The following CSMD1 variants were observed in gnomAD, a reference collection of about 807,000 sequenced individuals.
CSMD1 encodes CUB and Sushi multiple domains 1, also known as CUB and sushi domain-containing protein 1.
CSMD1 carries 213 observed loss-of-function variants against 417.5 expected under a neutral mutation model. That is an observed-to-expected ratio of 0.51 (90% confidence interval 0.46 to 0.57). The LOEUF (loss-of-function observed/expected upper bound fraction) is 0.57, where lower values mean the gene tolerates loss of function less well. Ranked by LOEUF, CSMD1 falls within the 20% of genes least tolerant of loss-of-function variation. CSMD1 has a pLI of 0.00. For missense variants in CSMD1, 6,923 were observed against 4,529.7 expected (o/e 1.53, Z -15.17); for synonymous variants, 2,862 against 1,736.8 (o/e 1.65, Z -16.11).
intron 1 of CSMD1, among the ~76,000 whole-genome samples, chr8:4,828,963 A>G (rs1799981131): frequency 6.6e-6 from 1 of 152,220 alleles, no homozygotes; most frequent in Admixed American, 6.5e-5. Context: ...TAATTCCTGT[A>G]ATAGTAACCT....
rs1465776615 is a variant in CSMD1 at position 4,990,892 on chromosome 8, G to T, written c.85+3440C>A. On this transcript the variant is annotated intron_variant, in intron 1 of 69. Transcript: ENST00000635120. ...GCACCTCTCTCGCGGTGGAGTTACAGGGTTTCTCTGGAAACTCAGCAGTGC... is the reference window on the plus strand; with the variant it reads ...GCACCTCTCTCGCGGTGGAGTTACATGGTTTCTCTGGAAACTCAGCAGTGC... 2.0e-5 allele frequency among the ~76,000 whole-genome samples: 3 copies of T among 152,250 alleles called. No individual in the cohort carries two copies. In the East Asian group the frequency reaches 5.8e-4, roughly 29 times the overall value.
At chr8:4,050,100 G>A (rs1379798386) in intron 3 of CSMD1, among the ~76,000 whole-genome samples, 2 of 152,164 alleles carry the variant, frequency 1.3e-5, no homozygotes, top group African/African-American at 2.4e-5. Flanking sequence ...CAGGTTGTGG[G>A]TTGTTGGGAA....
intron 62 of CSMD1, among the ~76,000 whole-genome samples, chr8:2,959,129 G>C (rs1335239782): frequency 6.6e-6 from 1 of 152,036 alleles, no homozygotes; most frequent in Admixed American, 6.6e-5. Flanking sequence ...TTAGAGTCAG[G>C]GCCTCTCTCT....
chr8:4,743,940 C>T (rs1240564162), intron 1 of CSMD1, among the ~76,000 whole-genome samples: 1 of 152,212 alleles, frequency 6.6e-6, no homozygotes, highest in African/African-American at 2.4e-5. Context: ...ACAGCACTTT[C>T]TCTCTTCCCA....
chr8:3,614,653 G>A (rs1297561503), intron 8 of CSMD1, among the ~76,000 whole-genome samples: 1 of 152,164 alleles, frequency 6.6e-6, no homozygotes, highest in African/African-American at 2.4e-5. Flanking sequence ...TTAGAATACA[G>A]CTCTGCAAAA....
At chr8:4,024,749 C>T (rs1047568358) in intron 4 of CSMD1, among the ~76,000 whole-genome samples, 1 of 152,158 alleles carries the variant, frequency 6.6e-6, no homozygotes, top group Admixed American at 6.5e-5. Context: ...GCAGGCCGCT[C>T]TGTGAAGTAC....
intron 3 of CSMD1, among the ~76,000 whole-genome samples, chr8:4,038,729 G>A (rs1435608900): frequency 6.6e-6 from 1 of 152,172 alleles, no homozygotes; most frequent in Non-Finnish European, 1.5e-5. Context: ...TAGGTGATGG[G>A]AATTCTGCGC....
intron 2 of CSMD1, among the ~76,000 whole-genome samples, chr8:4,595,223 A>T (rs6990157): frequency 7.1e-4 from 108 of 151,724 alleles, no homozygotes; most frequent in African/African-American, 2.5e-3. Context: ...ACAGAACTCA[A>T]ATTGGCTTGA....
chr8:4,785,839 G>A (rs1232882749), intron 1 of CSMD1, among the ~76,000 whole-genome samples: 1 of 152,150 alleles, frequency 6.6e-6, no homozygotes, highest in Admixed American at 6.5e-5. Flanking sequence ...ACTTGGAAAT[G>A]ATTAAAGATG....
chr8:3,141,442 AC>A (rs1818471423), intron 41 of CSMD1, among the ~76,000 whole-genome samples: 2 of 152,118 alleles, frequency 1.3e-5, no homozygotes, highest in Admixed American at 6.5e-5. Context: ...TCCCGAAAAG[AC>A]CCCCTTCTTG....
intron 3 of CSMD1, among the ~76,000 whole-genome samples, chr8:4,383,264 G>C (rs888475483): frequency 3.6e-4 from 55 of 152,154 alleles, no homozygotes; most frequent in African/African-American, 1.3e-3. Context: ...GTCTAGTACA[G>C]TTTGTATTCC....
At chr8:4,103,378 C>T (rs929000616) in intron 3 of CSMD1, among the ~76,000 whole-genome samples, 8 of 151,372 alleles carry the variant, frequency 5.3e-5, no homozygotes, top group Non-Finnish European at 1.0e-4. Flanking sequence ...CAATGATTTT[C>T]AGGGAACCAT....
chr8:3,827,984 A>C (rs1251933407), intron 5 of CSMD1, among the ~76,000 whole-genome samples: 1 of 152,180 alleles, frequency 6.6e-6, no homozygotes, highest in East Asian at 1.9e-4. Flanking sequence ...TCTTAACATA[A>C]ACAGAAACAA....
intron 5 of CSMD1, among the ~76,000 whole-genome samples, chr8:3,946,233 T>C (rs910416766): frequency 2.0e-5 from 3 of 152,208 alleles, no homozygotes; most frequent in African/African-American, 7.2e-5. Context: ...TTCCAAGTTG[T>C]ATGCATCTTG....
chr8:4,860,243 A>C (rs1047874595), intron 1 of CSMD1, among the ~76,000 whole-genome samples: 10 of 114,926 alleles, frequency 8.7e-5, no homozygotes, highest in Non-Finnish European at 1.7e-4. Context: ...GGGGAATATC[A>C]CACTCAGGGG....
At chr8:3,534,944 T>C (rs1172846468) in intron 10 of CSMD1, among the ~76,000 whole-genome samples, 3 of 152,130 alleles carry the variant, frequency 2.0e-5, no homozygotes, top group African/African-American at 7.2e-5. Context: ...GTAAGACATG[T>C]ATTTACTTAT....
intron 2 of CSMD1, among the ~76,000 whole-genome samples, chr8:4,426,842 T>C (rs978049705): frequency 6.6e-6 from 1 of 151,122 alleles, no homozygotes; most frequent in Admixed American, 6.6e-5. Context: ...TACTATATTA[T>C]GTACTATATT....
At chr8:4,374,566 C>T (rs1257013424) in intron 3 of CSMD1, among the ~76,000 whole-genome samples, 1 of 152,042 alleles carries the variant, frequency 6.6e-6, no homozygotes, top group Admixed American at 6.6e-5. Context: ...TCACACTGTC[C>T]AGGAATGAGC....
intron 1 of CSMD1, among the ~76,000 whole-genome samples, chr8:4,677,030 A>C (rs1432398130): frequency 1.4e-5 from 2 of 146,728 alleles, no homozygotes; most frequent in African/African-American, 2.5e-5. Context: ...ATAGAATTTT[A>C]TATAGAGAGA....
Sources: allele counts gnomAD v4.1 joint callset (sites outside exome capture counted in the v4.1 genomes callset), GRCh38; gene constraint gnomAD v4.1.1; transcripts MANE v1.5; gene names NCBI Gene and HGNC (gene_info 2026-07-23, HGNC 2026-07-21).